The following ABTB2 variants were observed in gnomAD, a reference collection of about 807,000 sequenced individuals.
ABTB2 encodes ankyrin repeat and BTB domain containing 2, also known as ankyrin repeat and BTB/POZ domain-containing protein 2.
In ABTB2, 56 loss-of-function variants were observed where a neutral mutation model predicts 104.1. That is an observed-to-expected ratio of 0.54 (90% confidence interval 0.43 to 0.67). The LOEUF (loss-of-function observed/expected upper bound fraction) is 0.67, where lower values mean the gene tolerates loss of function less well. ABTB2 is among the 30% of genes least tolerant of loss of function. ABTB2 has a pLI of 0.00. For synonymous variants in ABTB2, 606 were observed against 608.2 expected, an observed-to-expected ratio of 1.00 and a Z score of 0.05; for missense variants, 1,279 against 1,407.7, an observed-to-expected ratio of 0.91 and a Z score of 1.46.
chr11:34,215,863 T>C (rs1291775055), intron 1 of ABTB2, among the ~76,000 whole-genome samples: 1 of 152,122 alleles, frequency 6.6e-6, no homozygotes, highest in Admixed American at 6.6e-5. Flanking sequence ...TATATAAAAG[T>C]TATTGTCACT....
chr11:34,170,321 G>T (rs1297487301), intron 5 of ABTB2, among the ~76,000 whole-genome samples: 1 of 152,218 alleles, frequency 6.6e-6, no homozygotes, highest in Non-Finnish European at 1.5e-5. Context: ...CATAGTAAAT[G>T]CTATATAAAT....
rs553362484 is a variant in ABTB2 at position 34,153,793 on chromosome 11, G to A, written c.2880+472C>T. Among the ~76,000 whole-genome samples, 12 of 152,342 alleles carry A rather than the reference G, an allele frequency of 7.9e-5. No homozygotes were observed. In the South Asian group the frequency reaches 1.2e-3, roughly 16 times the overall value. On this transcript the variant is annotated intron_variant, in intron 16 of 16. Transcript: ENST00000435224. ...GGAGATGAAGGGAAGTGGAGAAACC[G>A]CTGGTGTGTTTCAGAGGTGGGTGGC...
intron 1 of ABTB2, among the ~76,000 whole-genome samples, chr11:34,272,284 T>G (rs1363146602): frequency 7.8e-6 from 1 of 127,706 alleles, no homozygotes; most frequent in Non-Finnish European, 1.6e-5. Context: ...GAAATAATTA[T>G]AGAGTCACAG....
chr11:34,152,765 C>T (rs1024716902), intron 16 of ABTB2, among the ~76,000 whole-genome samples, 181 bp from the exon 17 acceptor site: 4 of 152,164 alleles, frequency 2.6e-5, no homozygotes, highest in African/African-American at 9.7e-5. Flanking sequence ...GTTCAGCCCC[C>T]GTCATTTTCC....
intron 1 of ABTB2, among the ~76,000 whole-genome samples, chr11:34,321,544 T>C (rs1855001870): frequency 6.6e-6 from 1 of 152,220 alleles, no homozygotes; most frequent in South Asian, 2.1e-4. Context: ...CAACTAAAAG[T>C]GGCTTAAACA....
chr11:34,267,519 A>G (rs1176714518), intron 1 of ABTB2, among the ~76,000 whole-genome samples: 1 of 152,190 alleles, frequency 6.6e-6, no homozygotes, highest in Non-Finnish European at 1.5e-5. Context: ...ACACAGAGAA[A>G]AGGCAATATT....
chr11:34,342,275 C>T (rs1022001154), intron 1 of ABTB2, among the ~76,000 whole-genome samples: 17 of 152,342 alleles, frequency 1.1e-4, no homozygotes, highest in Non-Finnish European at 7.3e-5. Flanking sequence ...AGTTCTCAGG[C>T]GCAGCTGGCT....
intron 1 of ABTB2, among the ~76,000 whole-genome samples, chr11:34,278,179 CA>C (rs1854408024): frequency 6.7e-6 from 1 of 149,384 alleles, no homozygotes; most frequent in African/African-American, 2.5e-5. Flanking sequence ...GGATATAATA[CA>C]AAAAAACTAA....
At chr11:34,268,785 G>A (rs1854278684) in intron 1 of ABTB2, among the ~76,000 whole-genome samples, 1 of 149,098 alleles carries the variant, frequency 6.7e-6, no homozygotes, top group South Asian at 2.1e-4. Flanking sequence ...CAGCTTCCTC[G>A]TCTGCTAGAC....
chr11:34,352,353 T>A (rs1011035196), intron 1 of ABTB2, among the ~76,000 whole-genome samples: 5 of 152,246 alleles, frequency 3.3e-5, no homozygotes, highest in Non-Finnish European at 7.3e-5. Flanking sequence ...GAAGCATTCC[T>A]TGACTGTCAT....
chr11:34,184,201 C>G (rs1046654086), intron 3 of ABTB2, among the ~76,000 whole-genome samples: 1 of 152,034 alleles, frequency 6.6e-6, no homozygotes, highest in Non-Finnish European at 1.5e-5. Context: ...TTCCTAGAAG[C>G]TTGAGTTGGC....
In ABTB2 at chr11:34,297,060, G is replaced by A. The variant is rs980960430; in HGVS notation, c.883+59641C>T. The stretch of plus-strand genomic sequence containing the variant: ...TTTATTTATACATACAGTGTAGCCA[G>A]AAAAGGACTTACCATGCAAAGAAAA... On this transcript the variant is annotated intron_variant, in intron 1 of 16. Transcript: ENST00000435224. 3.7e-4 allele frequency among the ~76,000 whole-genome samples: 56 copies of A among 152,184 alleles called. 1 individual carries two copies. Among genetic ancestry groups the A allele is most frequent in the Non-Finnish European group, 1.0e-4 (7 of 68,038 alleles).
chr11:34,271,716 G>T (rs1854315715), intron 1 of ABTB2, among the ~76,000 whole-genome samples: 1 of 151,902 alleles, frequency 6.6e-6, no homozygotes, highest in African/African-American at 2.4e-5. Context: ...TTAGGCGACA[G>T]AGTGAGACCC....
chr11:34,276,714 G>A (rs969314508), intron 1 of ABTB2, among the ~76,000 whole-genome samples: 1 of 152,204 alleles, frequency 6.6e-6, no homozygotes, highest in African/African-American at 2.4e-5. Context: ...CAAGGGGAGA[G>A]AGGGATGGAC....
chr11:34,282,453 A>G (rs868436945), intron 1 of ABTB2, among the ~76,000 whole-genome samples: 1 of 152,242 alleles, frequency 6.6e-6, no homozygotes, highest in Non-Finnish European at 1.5e-5. Context: ...GAAAATATCT[A>G]TATGCACATC....
At position 34,159,255 on chromosome 11, in the gene ABTB2, G is replaced by A. The variant is rs766016025; in HGVS notation, c.2697+41C>T. Reference sequence around the variant, plus strand: ...CCACAAGGTGGGCTCCTGGGGGAGGGTCATCCCTCTGAGAAGAGGGCGGCA... The same window carrying A: ...CCACAAGGTGGGCTCCTGGGGGAGGATCATCCCTCTGAGAAGAGGGCGGCA... On this transcript the variant is annotated intron_variant, in intron 14 of 16. Coordinates refer to ENST00000435224, the MANE Select transcript of ABTB2 (RefSeq NM_145804.3). The A allele has an allele frequency of 6.6e-6, 10 of 1,522,676 alleles. No individual in the cohort carries two copies. The Admixed American group carries it at 1.7e-4, about 26-fold the overall frequency. 94.3% of individuals were successfully genotyped at this position (1,522,676 alleles called of 1,614,324 possible).
At chr11:34,191,724 T>C (rs1853179050) in intron 3 of ABTB2, among the ~76,000 whole-genome samples, 1 of 152,062 alleles carries the variant, frequency 6.6e-6, no homozygotes, top group African/African-American at 2.4e-5. Flanking sequence ...ACCCAGCCAA[T>C]CACAAATAGC....
In ABTB2 at chr11:34,241,394, C is replaced by A. The variant is rs80095264; in HGVS notation, c.884-36704G>T. Among the ~76,000 whole-genome samples the A allele has an allele frequency of 6.7e-3, 1,019 of 152,226 alleles. 14 individuals carry two copies. The highest frequency in any genetic ancestry group is 0.023 in the African/African-American group (963 of 41,524). On this transcript the variant is annotated intron_variant, in intron 1 of 16. Transcript: ENST00000435224. The stretch of plus-strand genomic sequence containing the variant: ...CCAGGGACAGTCCAAGGGTGCCCAC[C>A]TCATCCTCTGGATTTCCAGCCAGAG...
At chr11:34,340,927 G>GCTTT (rs1263491269) in intron 1 of ABTB2, among the ~76,000 whole-genome samples, 3 of 152,186 alleles carry the variant, frequency 2.0e-5, no homozygotes, top group African/African-American at 7.2e-5. Flanking sequence ...GGAAAGATGA[G>GCTTT]CCTTAGAGGA....
Sources: allele counts gnomAD v4.1 joint callset (sites outside exome capture counted in the v4.1 genomes callset), GRCh38; gene constraint gnomAD v4.1.1; transcripts MANE v1.5; gene names NCBI Gene and HGNC (gene_info 2026-07-23, HGNC 2026-07-21).